CNTNAP2: variants seen among roughly 807,000 people sequenced by gnomAD.
CNTNAP2 encodes the protein contactin-associated protein-like 2.
In CNTNAP2, 98 loss-of-function variants were observed where a neutral mutation model predicts 155.2. The ratio of observed to expected loss-of-function variants is 0.63; its 90% CI spans 0.54 to 0.75. The LOEUF is 0.75. Ranked by LOEUF, CNTNAP2 falls within the 30% of genes least tolerant of loss-of-function variation. The pLI, the probability that CNTNAP2 is intolerant of heterozygous loss-of-function variation, is 0.00. For synonymous variants in CNTNAP2, 651 were observed against 631.2 expected (o/e 1.03, Z -0.47); for missense variants, 1,727 against 1,688.1 (o/e 1.02, Z -0.40).
chr7:147,142,608 T>C (rs1342128036), intron 8 of CNTNAP2, among the ~76,000 whole-genome samples: 1 of 152,164 alleles, frequency 6.6e-6, no homozygotes, highest in Non-Finnish European at 1.5e-5. Context: ...TAGGGAGGAT[T>C]CCCTCTTTTT....
intron 12 of CNTNAP2, among the ~76,000 whole-genome samples, chr7:147,623,462 A>G (rs568650244): frequency 6.6e-6 from 1 of 152,206 alleles, no homozygotes; most frequent in South Asian, 2.1e-4. Context: ...TATGCTAACA[A>G]TGAGCAATCT....
chr7:148,158,846 T>C (rs371168721), intron 17 of CNTNAP2, among the ~76,000 whole-genome samples: 2 of 152,358 alleles, frequency 1.3e-5, no homozygotes, highest in African/African-American at 4.8e-5. Flanking sequence ...TAATTTCTTA[T>C]ACAGATTTTT....
chr7:146,581,065 A>C (rs1190946668), intron 1 of CNTNAP2, among the ~76,000 whole-genome samples: 1 of 152,150 alleles, frequency 6.6e-6, no homozygotes, highest in Non-Finnish European at 1.5e-5. Context: ...CTGGGTCTTA[A>C]GCAACTTTAA....
chr7:147,858,382 C>T (rs565593575), intron 13 of CNTNAP2, among the ~76,000 whole-genome samples: 1 of 152,328 alleles, frequency 6.6e-6, no homozygotes, highest in South Asian at 2.1e-4. Context: ...CCACTGCGCC[C>T]GGCCTAATCA....
intron 6 of CNTNAP2, among the ~76,000 whole-genome samples, chr7:147,125,961 C>G (rs752365630): frequency 3.9e-5 from 6 of 152,130 alleles, no homozygotes; most frequent in Non-Finnish European, 8.8e-5. Flanking sequence ...CTTCCTCTAT[C>G]CCTGTTGCAA....
intron 21 of CNTNAP2, among the ~76,000 whole-genome samples, chr7:148,304,276 G>GA (rs869031490): frequency 1.5e-5 from 1 of 64,834 alleles, no homozygotes; most frequent in East Asian, 1.8e-3. Context: ...TATCGTCCTG[G>GA]AAAAAAATGT....
intron 1 of CNTNAP2, among the ~76,000 whole-genome samples, chr7:146,386,730 A>G (rs1233890189): frequency 6.6e-6 from 1 of 152,188 alleles, no homozygotes; most frequent in Non-Finnish European, 1.5e-5. Flanking sequence ...ATTGTAAATA[A>G]TTGCCTCATT....
intron 1 of CNTNAP2, among the ~76,000 whole-genome samples, chr7:146,340,419 T>G (rs1801361987): frequency 6.6e-6 from 1 of 151,568 alleles, no homozygotes; most frequent in Non-Finnish European, 1.5e-5. Context: ...ATCATGACCT[T>G]ATTCTTATAA....
At chr7:147,368,096 T>TCACACACACACA (rs5888250) in intron 9 of CNTNAP2, among the ~76,000 whole-genome samples, 114 of 117,168 alleles carry the variant, frequency 9.7e-4, no homozygotes, top group African/African-American at 2.8e-3. Context: ...TCTCTCTCTG[T>TCACACACACACA]CACACACACA....
intron 20 of CNTNAP2, among the ~76,000 whole-genome samples, chr7:148,262,197 A>G (rs1796575241): frequency 6.6e-6 from 1 of 152,168 alleles, no homozygotes; most frequent in Non-Finnish European, 1.5e-5. Flanking sequence ...TCAGAAAAGC[A>G]GGGCTAATTC....
chr7:146,781,450 C>A lies in CNTNAP2; in HGVS notation c.208+7069C>A, dbSNP rs369734477. 4.9e-4 allele frequency among the ~76,000 whole-genome samples: 75 copies of A among 152,112 alleles called. 1 individual carries two copies. Among genetic ancestry groups the A allele is most frequent in the African/African-American group, 1.7e-3 (71 of 41,526 alleles). On this transcript the variant is annotated intron_variant, in intron 2 of 23. Transcript: ENST00000361727. ...ACTGAAGTTCATAATTGCCACGATG[C>A]CTTTATACCACAGCTTGCTCAGATA...
At chr7:148,032,951 A>T (rs573365897) in intron 15 of CNTNAP2, among the ~76,000 whole-genome samples, 14 of 152,322 alleles carry the variant, frequency 9.2e-5, no homozygotes, top group Non-Finnish European at 1.9e-4. Flanking sequence ...TGAAAGGCAC[A>T]GAGTGACCCA....
intron 2 of CNTNAP2, among the ~76,000 whole-genome samples, chr7:146,821,066 G>A (rs1439187237): frequency 2.0e-5 from 3 of 152,024 alleles, no homozygotes; most frequent in East Asian, 1.9e-4. Context: ...GTGTCTGCAC[G>A]TGAGATGGGT....
intron 1 of CNTNAP2, among the ~76,000 whole-genome samples, chr7:146,252,455 C>T (rs773833710): frequency 1.3e-5 from 2 of 152,150 alleles, no homozygotes; most frequent in Non-Finnish European, 2.9e-5. Context: ...AGACCTTGCA[C>T]TTGCAACTTG....
chr7:146,983,040 T>G (rs1375430431), intron 3 of CNTNAP2, among the ~76,000 whole-genome samples: 2 of 152,180 alleles, frequency 1.3e-5, no homozygotes, highest in African/African-American at 2.4e-5. Flanking sequence ...ACTGTTAACA[T>G]AATGTACACT....
In CNTNAP2 at chr7:147,859,972, G is replaced by A. The variant is rs140537700; in HGVS notation, c.2099-43593G>A. 7.2e-5 allele frequency among the ~76,000 whole-genome samples: 11 copies of A among 152,176 alleles called. No individual in the cohort carries two copies. In the East Asian group the frequency reaches 1.9e-3, roughly 27 times the overall value. On this transcript the variant is annotated intron_variant, in intron 13 of 23. Coordinates refer to ENST00000361727, the MANE Select transcript of CNTNAP2 (RefSeq NM_014141.6). ...ATAAAAAAGGTGGCTTTAATATTTC[G>A]TATGGTTTGGCTCTGTGTCCACACC...
chr7:146,238,340 TACAC>T (rs1799507322), intron 1 of CNTNAP2, among the ~76,000 whole-genome samples: 1 of 152,150 alleles, frequency 6.6e-6, no homozygotes, highest in African/African-American at 2.4e-5. Context: ...ATTGTGCTAT[TACAC>T]ACAGTTTTAC....
In CNTNAP2 at chr7:147,685,884, T is replaced by A. The variant is rs534151409; in HGVS notation, c.2098+46578T>A. Among the ~76,000 whole-genome samples, 19 of 151,980 alleles carry A rather than the reference T, an allele frequency of 1.3e-4. No homozygotes were observed. The East Asian group carries it at 3.7e-3, about 29-fold the overall frequency. On this transcript the variant is annotated intron_variant, in intron 13 of 23. Coordinates refer to ENST00000361727, the MANE Select transcript of CNTNAP2 (RefSeq NM_014141.6). ...CTCCAGGTTCTAGGACTAGCAGGTA[T>A]AAAAGGAATTTGCTGGGGAAGAGCA...
At chr7:147,298,561 C>T (rs1021008) in intron 8 of CNTNAP2, among the ~76,000 whole-genome samples, 30,519 of 152,124 alleles carry the variant, frequency 0.2, 4,885 homozygotes, top group East Asian at 0.75. Flanking sequence ...TGACTATCTT[C>T]TAAGCTCCAA....
Sources: gnomAD v4.1 joint callset for allele counts (sites outside exome capture counted in the v4.1 genomes callset) on GRCh38, gnomAD v4.1.1 for gene constraint, MANE v1.5 for transcripts, NCBI Gene and HGNC (gene_info 2026-07-23, HGNC 2026-07-21) for gene names.